Variants in DUSP22 observed in about 807,000 individuals in gnomAD.
The protein encoded by DUSP22 is dual specificity phosphatase 22, also known as dual specificity protein phosphatase 22.
A neutral mutation model predicts 24.5 loss-of-function variants in DUSP22; 24 were observed. The ratio of observed to expected loss-of-function variants is 0.98; its 90% CI spans 0.71 to 1.38. The LOEUF (loss-of-function observed/expected upper bound fraction) is 1.38, where lower values mean the gene tolerates loss of function less well. Ranked by LOEUF, DUSP22 falls within the 40% of genes most tolerant of loss-of-function variation. The probability of loss-of-function intolerance (pLI) is 0.00; values close to 1 mark genes in which losing one functional copy is unlikely to be tolerated. For synonymous variants in DUSP22, 160 were observed against 106.4 expected (o/e 1.50, Z -3.10); for missense variants, 330 against 269.2 (o/e 1.23, Z -1.58).
At chr6:305,686 T>C (rs1397909504) in intron 2 of DUSP22, among the ~76,000 whole-genome samples, 2 of 152,302 alleles carry the variant, frequency 1.3e-5, no homozygotes, top group Non-Finnish European at 2.9e-5. Context: ...CCTTCAGAGT[T>C]TGTGTAAGTG....
At chr6:344,916 C>T (rs1360956649) in intron 4 of DUSP22, among the ~76,000 whole-genome samples, 3 of 152,302 alleles carry the variant, frequency 2.0e-5, no homozygotes, top group Admixed American at 6.5e-5. Flanking sequence ...GTGGCCTGCA[C>T]CATCCACAGC....
intron 3 of DUSP22, among the ~76,000 whole-genome samples, chr6:314,953 G>A (rs1326440736): frequency 6.6e-6 from 1 of 152,310 alleles, no homozygotes; most frequent in African/African-American, 2.4e-5. Context: ...CTTCCTAGCA[G>A]CCTGGCTGGA....
In DUSP22 at chr6:349,049, G is replaced by A. The variant is rs1760035766; in HGVS notation, c.*98G>A. ...GTGGCCGATGAGGACAGGAAAGGGAGATAGCCAGGGCGAGGTGGGGCGAGG... is the reference window on the plus strand; with the variant it reads ...GTGGCCGATGAGGACAGGAAAGGGAAATAGCCAGGGCGAGGTGGGGCGAGG... On this transcript the variant is annotated 3_prime_UTR_variant, in exon 7 of 7. Coordinates refer to ENST00000419235, the MANE Select transcript of DUSP22 (RefSeq NM_001286555.3). 8 of 1,502,808 alleles carry A rather than the reference G, an allele frequency of 5.3e-6. No homozygotes were observed. Among genetic ancestry groups the A allele is most frequent in the Non-Finnish European group, 7.1e-6 (8 of 1,124,594 alleles). 93.1% of individuals were successfully genotyped at this position (1,502,808 alleles called of 1,614,324 possible).
intron 3 of DUSP22, among the ~76,000 whole-genome samples, chr6:317,396 A>T (rs1409815590): frequency 2.0e-5 from 3 of 152,306 alleles, no homozygotes; most frequent in African/African-American, 7.2e-5. Flanking sequence ...AAGCAAGATG[A>T]TAAAGGGTGT....
chr6:298,444 C>T (rs1371942858), intron 1 of DUSP22, among the ~76,000 whole-genome samples: 1 of 152,308 alleles, frequency 6.6e-6, no homozygotes, highest in Non-Finnish European at 1.5e-5. Flanking sequence ...TACTTCTCAG[C>T]ATCAGTTTGG....
rs1246005448 is a variant in DUSP22, at chr6:350,868, A to C, written c.*1917A>C. 1 of 1,614,144 alleles carries C rather than the reference A, an allele frequency of 6.2e-7. No homozygotes were observed. Among genetic ancestry groups the C allele is most frequent in the Non-Finnish European group, 8.5e-7 (1 of 1,180,028 alleles). On this transcript the variant is annotated 3_prime_UTR_variant, in exon 7 of 7. Transcript: ENST00000419235. ...TCTGGGCCTTTCTCAGAAGACTGTAATGTACCTGAAGTTTCTGAAATATTG... is the reference window on the plus strand; with the variant it reads ...TCTGGGCCTTTCTCAGAAGACTGTACTGTACCTGAAGTTTCTGAAATATTG...
At chr6:345,722 A>G (rs1190901929) in intron 4 of DUSP22, 132 bp from the exon 5 acceptor site, 1 of 1,081,910 alleles carries the variant, frequency 9.2e-7, no homozygotes, top group Non-Finnish European at 1.3e-6. Flanking sequence ...GCCCATAAAT[A>G]TGTAGAATTA....
At position 304,613 on chromosome 6, in the gene DUSP22, C is replaced by G. The variant is rs750819088; in HGVS notation, c.22-15C>G. The G allele has an allele frequency of 1.9e-6, 3 of 1,614,130 alleles. No homozygotes were observed. The highest frequency in any genetic ancestry group is 1.6e-4 in the Middle Eastern group (1 of 6,084). ...GAGTCTGCCATGCTCATGTCTGTGT[C>G]TGTCTCTCTCCTAGATCCTGCCCGG... On this transcript the variant is annotated splice_polypyrimidine_tract_variant and intron_variant, in intron 1 of 6. Coordinates refer to ENST00000419235, the MANE Select transcript of DUSP22 (RefSeq NM_001286555.3).
At chr6:331,265 A>C (rs575323984) in intron 3 of DUSP22, among the ~76,000 whole-genome samples, 24 of 152,416 alleles carry the variant, frequency 1.6e-4, no homozygotes, top group Admixed American at 5.2e-4. Flanking sequence ...TTATTTAGTG[A>C]GACTTTTATT....
chr6:315,353 C>G (rs1301996942), intron 3 of DUSP22, among the ~76,000 whole-genome samples: 2 of 152,302 alleles, frequency 1.3e-5, no homozygotes, highest in South Asian at 2.1e-4. Context: ...AAGCCTAACT[C>G]TATCATTGGG....
At position 349,931 on chromosome 6, in the gene DUSP22, G is replaced by A. The variant is rs1760112288; in HGVS notation, c.*980G>A. On this transcript the variant is annotated 3_prime_UTR_variant, in exon 7 of 7. Transcript: ENST00000419235. ...CTTCATTCACTCCCAGCCTCTCGCT[G>A]TCCTCACTTTGCAGGGGCTCCTCCT... 2.0e-6 allele frequency: 2 copies of A among 985,776 alleles called. No homozygotes were observed. The highest frequency in any genetic ancestry group is 3.5e-5 in the African/African-American group (2 of 57,288). The allele number at this position is 985,776 out of a possible 1,614,324, so 61.1% of individuals were successfully genotyped here. A position where few individuals can be genotyped will look rare whatever the true frequency, so the allele number is the denominator to read the frequency against.
At chr6:344,892 T>G (rs1432401907) in intron 4 of DUSP22, among the ~76,000 whole-genome samples, 1 of 152,302 alleles carries the variant, frequency 6.6e-6, no homozygotes, top group Non-Finnish European at 1.5e-5. Context: ...GTCACCTTCC[T>G]CACCTGCGTC....
intron 6 of DUSP22, 134 bp downstream of exon 6, chr6:348,408 C>T (rs1473297301): frequency 6.5e-6 from 9 of 1,392,134 alleles, no homozygotes; most frequent in Non-Finnish European, 6.8e-6. Context: ...CCCAGGGCGC[C>T]CAGCTGCACC....
chr6:303,309 T>C (rs1159494456), intron 1 of DUSP22, among the ~76,000 whole-genome samples: 1 of 152,308 alleles, frequency 6.6e-6, no homozygotes, highest in Non-Finnish European at 1.5e-5. Flanking sequence ...AAGCCTCTTT[T>C]CATTCTTGGA....
At chr6:316,681 G>A (rs915756895) in intron 3 of DUSP22, among the ~76,000 whole-genome samples, 18 of 152,294 alleles carry the variant, frequency 1.2e-4, no homozygotes, top group Middle Eastern at 3.2e-3. Flanking sequence ...AAAAATTTCG[G>A]TGTTTCATTT....
rs1760193809 is a variant in DUSP22, at chr6:351,138, T to C, written c.*2187T>C. The C allele has an allele frequency of 9.3e-6, 5 of 537,520 alleles. No homozygotes were observed. Among genetic ancestry groups the C allele is most frequent in the South Asian group, 4.6e-5 (2 of 43,834 alleles). The allele number at this position is 537,520 out of a possible 1,614,324, so 33.3% of individuals were successfully genotyped here. A position where few individuals can be genotyped will look rare whatever the true frequency, so the allele number is the denominator to read the frequency against. The stretch of plus-strand genomic sequence containing the variant: ...TCCCGGGAGCCTTGCCGCACTGCCT[T>C]GTGGGTGGCTTGGCGCTCGTGATTG... On this transcript the variant is annotated 3_prime_UTR_variant, in exon 7 of 7. Coordinates refer to ENST00000419235, the MANE Select transcript of DUSP22 (RefSeq NM_001286555.3).
chr6:346,940 TAGTTG>T (rs1256427864), intron 5 of DUSP22, among the ~76,000 whole-genome samples: 6 of 152,420 alleles, frequency 3.9e-5, no homozygotes, highest in Admixed American at 3.3e-4. Context: ...GGACGCTAGA[TAGTTG>T]AGTTGTTTTT....
At chr6:342,006 G>A (rs1018110731) in intron 4 of DUSP22, among the ~76,000 whole-genome samples, 16 of 152,292 alleles carry the variant, frequency 1.1e-4, no homozygotes, top group East Asian at 3.8e-4. Context: ...GGTTGGGGAC[G>A]TGCAGATGTC....
intron 3 of DUSP22, among the ~76,000 whole-genome samples, chr6:331,199 T>G (rs1265203267): frequency 6.6e-6 from 1 of 152,310 alleles, no homozygotes; most frequent in Non-Finnish European, 1.5e-5. Context: ...GTGATGTTAA[T>G]TGGCTTTCCA....
Sources: allele counts gnomAD v4.1 joint callset (sites outside exome capture counted in the v4.1 genomes callset), GRCh38; gene constraint gnomAD v4.1.1; transcripts MANE v1.5; gene names NCBI Gene and HGNC (gene_info 2026-07-23, HGNC 2026-07-21).